The following DNAH9 variants were observed in gnomAD, a reference collection of about 807,000 sequenced individuals.
The protein encoded by DNAH9 is DNAH9 variant protein.
In DNAH9, 345 loss-of-function variants were observed where a neutral mutation model predicts 471.6. The observed-to-expected ratio is 0.73, with a 90% CI of 0.67 to 0.80. The LOEUF (loss-of-function observed/expected upper bound fraction) is 0.80, where lower values mean the gene tolerates loss of function less well. DNAH9 is among the 30% of genes least tolerant of loss of function. DNAH9 has a pLI of 0.00. For missense variants in DNAH9, 5,407 were observed against 5,609.2 expected (o/e 0.96, Z 1.15); for synonymous variants, 2,093 against 2,123.6 (o/e 0.99, Z 0.40).
intron 43 of DNAH9, among the ~76,000 whole-genome samples, chr17:11,799,577 C>T (rs1033551021): frequency 4.6e-5 from 7 of 151,758 alleles, no homozygotes; most frequent in South Asian, 2.1e-4. Context: ...GGCTAGACCG[C>T]ACTGTCTTTT....
chr17:11,814,721 TCTC>T (rs1267455522), intron 45 of DNAH9, among the ~76,000 whole-genome samples: 2 of 152,284 alleles, frequency 1.3e-5, no homozygotes, highest in South Asian at 2.1e-4. Flanking sequence ...GTGGGCCAAA[TCTC>T]CTCTTAGGAT....
intron 43 of DNAH9, among the ~76,000 whole-genome samples, chr17:11,803,255 CTT>C (rs1396502730): frequency 2.6e-5 from 4 of 152,144 alleles, no homozygotes; most frequent in Non-Finnish European, 5.9e-5. Context: ...TTTTCTGTCT[CTT>C]TGTTTTTCAC....
chr17:11,642,343 A>ATCCT (rs1173970161), intron 10 of DNAH9, among the ~76,000 whole-genome samples: 1 of 151,964 alleles, frequency 6.6e-6, no homozygotes, highest in Non-Finnish European at 1.5e-5. Context: ...GTTTGCAACC[A>ATCCT]TCCTGGCCAA....
At chr17:11,615,973 C>A (rs950267702) in intron 4 of DNAH9, among the ~76,000 whole-genome samples, 4 of 152,180 alleles carry the variant, frequency 2.6e-5, no homozygotes, top group Admixed American at 2.6e-4. Context: ...ACTGTGACAT[C>A]TGACTTTGCA....
intron 67 of DNAH9, among the ~76,000 whole-genome samples, chr17:11,950,255 T>C (rs759430729): frequency 3.3e-5 from 5 of 152,232 alleles, no homozygotes; most frequent in African/African-American, 7.2e-5. Context: ...CCAGAGTTCA[T>C]AGTTTACATT....
chr17:11,680,471 C>CT (rs1376957053), intron 18 of DNAH9, among the ~76,000 whole-genome samples: 1 of 152,092 alleles, frequency 6.6e-6, no homozygotes, highest in African/African-American at 2.4e-5. Flanking sequence ...ATTTAGAGGG[C>CT]TTAGAGGACC....
intron 67 of DNAH9, among the ~76,000 whole-genome samples, chr17:11,948,437 C>G (rs1053845590): frequency 6.6e-6 from 1 of 151,864 alleles, no homozygotes; most frequent in African/African-American, 2.4e-5. Flanking sequence ...ACCGTGTTGG[C>G]CAGGCTGGTC....
intron 67 of DNAH9, among the ~76,000 whole-genome samples, chr17:11,952,319 T>A (rs1597869060): frequency 3.2e-5 from 3 of 94,638 alleles, no homozygotes; most frequent in South Asian, 3.4e-4. Flanking sequence ...CTTTTTTTTT[T>A]TTTTTTTTTT....
chr17:11,931,933 A>G (rs1406264519), intron 63 of DNAH9, 81 bp from the exon 64 acceptor site: 2 of 1,494,794 alleles, frequency 1.3e-6, no homozygotes, highest in Admixed American at 1.8e-5. Flanking sequence ...TCCAACACGA[A>G]CCCTGATTGT....
intron 43 of DNAH9, among the ~76,000 whole-genome samples, chr17:11,803,220 C>G (rs1362596026): frequency 1.3e-5 from 2 of 152,216 alleles, no homozygotes; most frequent in Non-Finnish European, 2.9e-5. Context: ...TTTTCCCCCG[C>G]TTTTGGCATC....
rs557426000 is a variant in DNAH9 at position 11,851,874 on chromosome 17, C to T, written c.9508-2129C>T. Among the ~76,000 whole-genome samples the T allele has an allele frequency of 1.2e-4, 18 of 152,086 alleles. 1 individual carries two copies. The highest frequency in any genetic ancestry group is 1.9e-4 in the East Asian group (1 of 5,180). On this transcript the variant is annotated intron_variant, in intron 49 of 68. Transcript: ENST00000262442. ...AAGACTGGAAGGAGGAGTTACTGTACGTGGAAACATCGACCGTGATATATC... is the reference window on the plus strand; with the variant it reads ...AAGACTGGAAGGAGGAGTTACTGTATGTGGAAACATCGACCGTGATATATC...
Position 11,629,499 on chromosome 17 carries a change from A to G in DNAH9, c.1433A>G (p.Gln478Arg). Reference sequence around the variant, plus strand: ...GTCAGAGGGAATGCTCTGAGTCAGCAGGTCCAGCAAATGCATGAAGAATTT... The same window carrying G: ...GTCAGAGGGAATGCTCTGAGTCAGCGGGTCCAGCAAATGCATGAAGAATTT... ...SGVRGNALSQ[Q>R]VQQMHEEFQE... The change falls in exon 7 of 69, where the codon CAG becomes CGG. Residue 478 changes from glutamine (Q) to arginine (R), a missense_variant. Around this residue, in one of 3 missense-constraint regions of DNAH9, gnomAD observed 767 missense variants for 692.5 expected, o/e 1.11. Coordinates refer to ENST00000262442, the MANE Select transcript of DNAH9 (RefSeq NM_001372.4). The G allele has an allele frequency of 6.2e-7, 1 of 1,614,160 alleles. No homozygotes were observed. The highest frequency in any genetic ancestry group is 1.1e-5 in the South Asian group (1 of 91,082).
In DNAH9 at chr17:11,747,627, G is replaced by A. The variant is rs748152339; in HGVS notation, c.6471G>A (p.Lys2157=). 1.9e-6 allele frequency: 3 copies of A among 1,614,178 alleles called. No individual in the cohort carries two copies. Among genetic ancestry groups the A allele is most frequent in the East Asian group, 4.5e-5 (2 of 44,860 alleles). ...VFVVGGAGTG[K]SQVLRSLHKT... The stretch of plus-strand genomic sequence containing the variant: ...TGGTGGGTGGCGCTGGTACCGGCAA[G>A]TCACAGGTGCTGAGGTCCTTGCACA... Residue 2157 remains lysine, a synonymous_variant, in exon 32 of 69, where the codon AAG becomes AAA. Coordinates refer to ENST00000262442, the MANE Select transcript of DNAH9 (RefSeq NM_001372.4).
rs1300993644 is a variant in DNAH9, at chr17:11,881,330, T to C, written c.10723T>C (p.Phe3575Leu). Residue 3575 changes from phenylalanine (F) to leucine (L), a missense_variant, in exon 55 of 69, where the codon TTC (phenylalanine) becomes CTC (leucine). Phe to Leu is a conservative substitution (Grantham distance 22). This residue lies in a region of DNAH9 where 4,636 missense variants were observed against 4,900.3 expected (regional missense o/e 0.95). Transcript: ENST00000262442. Reference protein sequence around the residue: ...ELQAQATLINFTVTRDGLEDQ... With the variant: ...ELQAQATLINLTVTRDGLEDQ... Reference sequence around the variant, plus strand: ...GCAGGCTCAGGCCACCCTGATCAACTTCACCGTGACCAGGGATGGCCTGGA... The same window carrying C: ...GCAGGCTCAGGCCACCCTGATCAACCTCACCGTGACCAGGGATGGCCTGGA... 14 of 1,613,940 alleles carry C rather than the reference T, an allele frequency of 8.7e-6. No homozygotes were observed. Among genetic ancestry groups the C allele is most frequent in the Non-Finnish European group, 1.2e-5 (14 of 1,179,990 alleles).
Position 11,933,868 on chromosome 17 carries a change from C to T in DNAH9, c.12298-12C>T. On this transcript the variant is annotated splice_polypyrimidine_tract_variant and intron_variant, in intron 64 of 68. Transcript: ENST00000262442. ...TTTCTTCCTTCCTCTCTTTCTTTCCCCCATCACTCAGGTCCCCTATGATGA... is the reference window on the plus strand; with the variant it reads ...TTTCTTCCTTCCTCTCTTTCTTTCCTCCATCACTCAGGTCCCCTATGATGA... 1 of 1,602,032 alleles carries T rather than the reference C, an allele frequency of 6.2e-7. No homozygotes were observed. Among genetic ancestry groups the T allele is most frequent in the Non-Finnish European group, 8.5e-7 (1 of 1,172,310 alleles).
chr17:11,870,446 A>C (rs139968735), intron 51 of DNAH9, among the ~76,000 whole-genome samples: 513 of 152,306 alleles, frequency 3.4e-3, no homozygotes, highest in Non-Finnish European at 5.3e-3. Context: ...GCCACCACTG[A>C]ATTACACAGC....
At chr17:11,632,414 C>T (rs1447334602) in intron 7 of DNAH9, among the ~76,000 whole-genome samples, 173 bp from the exon 8 acceptor site, 1 of 152,138 alleles carries the variant, frequency 6.6e-6, no homozygotes, top group African/African-American at 2.4e-5. Flanking sequence ...AATGCTGCAA[C>T]CACAGGGTAA....
chr17:11,624,901 A>G (rs913155128), intron 6 of DNAH9, among the ~76,000 whole-genome samples: 1 of 152,218 alleles, frequency 6.6e-6, no homozygotes, highest in Non-Finnish European at 1.5e-5. Flanking sequence ...AGGTACAATT[A>G]TAATTCCCAT....
intron 49 of DNAH9, among the ~76,000 whole-genome samples, chr17:11,847,147 A>C (rs1230647443): frequency 6.6e-6 from 1 of 152,070 alleles, no homozygotes; most frequent in Admixed American, 6.6e-5. Flanking sequence ...ATTTTCTCCT[A>C]TTCTGTAGAT....
Sources: gnomAD v4.1 joint callset for allele counts (sites outside exome capture counted in the v4.1 genomes callset) on GRCh38, gnomAD v4.1.1 for gene constraint, gnomAD v4.1.1 regional missense constraint, MANE v1.5 for transcripts, NCBI Gene and HGNC (gene_info 2026-07-23, HGNC 2026-07-21) for gene names.